G6PD: variants seen among roughly 807,000 people sequenced by gnomAD.
G6PD encodes the protein glucose-6-phosphate 1-dehydrogenase.
In G6PD, 2 loss-of-function variants were observed where a neutral mutation model predicts 38.2. That is an observed-to-expected ratio of 0.05 (90% CI 0.02 to 0.16). G6PD has a LOEUF of 0.16. Ranked by LOEUF, G6PD falls within the 10% of genes least tolerant of loss-of-function variation. The probability of loss-of-function intolerance (pLI) is 1.00; values close to 1 mark genes in which losing one functional copy is unlikely to be tolerated. For missense variants in G6PD, 310 were observed against 471.6 expected, an observed-to-expected ratio of 0.66 and a Z score of 3.17; for synonymous variants, 188 against 196.0, an observed-to-expected ratio of 0.96 and a Z score of 0.34.
At chrX:154,546,660 G>A (rs1557233416) in intron 1 of G6PD, 129 bp downstream of exon 1, 1 of 556,967 alleles carries the variant, frequency 1.8e-6, no homozygotes, top group Non-Finnish European at 2.8e-6. Context: ...GGGTATAAAG[G>A]GATTGGTTAA....
intron 2 of G6PD, among the ~76,000 whole-genome samples, chrX:154,539,719 A>C (rs2070455757): frequency 9.1e-6 from 1 of 110,090 alleles, no homozygotes. Context: ...GTTCTTCATG[A>C]CATGTATTTC....
In G6PD at chrX:154,536,039, C is replaced by T; in HGVS notation, c.165G>A (p.Leu55=). 2 of 1,211,199 alleles carry T rather than the reference C, an allele frequency of 1.7e-6. No homozygotes were observed. The highest frequency in any genetic ancestry group is 3.5e-5 in the South Asian group (2 of 56,998). The change falls in exon 4 of 13, where the codon CTG becomes CTA. Residue 55 remains leucine, a synonymous_variant. Coordinates refer to ENST00000393562, the MANE Select transcript of G6PD (RefSeq NM_001360016.2). ...KKKIYPTIWW[L]FRDGLLPENT... ...TTTCGGGCAGAAGGCCATCCCGGAACAGCCACCTGAGGGCAGGGCACAGCT... is the reference window on the plus strand; with the variant it reads ...TTTCGGGCAGAAGGCCATCCCGGAATAGCCACCTGAGGGCAGGGCACAGCT...
chrX:154,541,489 G>A (rs1449675898), intron 2 of G6PD: 1 of 112,016 alleles, frequency 8.9e-6, no homozygotes, highest in Non-Finnish European at 1.9e-5. Flanking sequence ...CTCTCCTCAG[G>A]ACTCAGGGGT....
intron 1 of G6PD, among the ~76,000 whole-genome samples, 189 bp from the exon 2 acceptor site, chrX:154,546,352 A>T (rs371755550): frequency 8.9e-6 from 1 of 111,883 alleles, no homozygotes; most frequent in East Asian, 2.8e-4. Flanking sequence ...GGCTCCAGCC[A>T]CTCTCTCCTA....
At chrX:154,541,618 G>A (rs1397056880) in intron 2 of G6PD, among the ~76,000 whole-genome samples, 2 of 111,682 alleles carry the variant, frequency 1.8e-5, no homozygotes, top group Non-Finnish European at 3.8e-5. Context: ...ATGTGGGTGG[G>A]GGCAATTCAA....
Position 154,546,837 on chromosome X carries a change from G to T in G6PD, c.-57C>A. Reference sequence around the variant, plus strand: ...CCGCGCTCGCAGCCCCGAAGTGTACGACCGTTTCCGGGGGCTGAGCCCCGC... The same window carrying T: ...CCGCGCTCGCAGCCCCGAAGTGTACTACCGTTTCCGGGGGCTGAGCCCCGC... On this transcript the variant is annotated 5_prime_UTR_variant, in exon 1 of 13. Coordinates refer to ENST00000393562, the MANE Select transcript of G6PD (RefSeq NM_001360016.2). 1.7e-6 allele frequency: 2 copies of T among 1,143,920 alleles called. No homozygotes were observed. The highest frequency in any genetic ancestry group is 3.9e-5 in the South Asian group (2 of 50,987). 94.3% of individuals were successfully genotyped at this position (1,143,920 alleles called of 1,213,427 possible). A position where few individuals can be genotyped will look rare whatever the true frequency, so the allele number is the denominator to read the frequency against.
intron 2 of G6PD, chrX:154,542,418 T>C (rs1316334995): frequency 5.0e-6 from 6 of 1,196,515 alleles, no homozygotes; most frequent in African/African-American, 1.8e-5. Context: ...AGGCGCACAC[T>C]AGTCTACAAG....
Position 154,546,814 on chromosome X carries a change from G to T in G6PD, c.-34C>A. 2 of 1,162,667 alleles carry T rather than the reference G, an allele frequency of 1.7e-6. No homozygotes were observed. Among genetic ancestry groups the T allele is most frequent in the Non-Finnish European group, 2.3e-6 (2 of 873,363 alleles). On this transcript the variant is annotated 5_prime_UTR_variant, in exon 1 of 13. Transcript: ENST00000393562. ...CTGCGCTTCGTCGTCGTCGCCCTCC[G>T]CGCTCGCAGCCCCGAAGTGTACGAC...
intron 6 of G6PD, 37 bp downstream of exon 6, chrX:154,534,300 AC>A (rs782807000): frequency 1.9e-5 from 23 of 1,205,242 alleles, no homozygotes; most frequent in Non-Finnish European, 2.5e-5. Flanking sequence ...CCTGAGTACC[AC>A]CCCCACCCTG....
intron 2 of G6PD, among the ~76,000 whole-genome samples, chrX:154,542,961 C>T (rs1246087133): frequency 8.9e-6 from 1 of 112,143 alleles, no homozygotes. Flanking sequence ...CAATCGCTGT[C>T]TGCTCAATGA....
rs782587403 is a variant in G6PD at position 154,533,045 on chromosome X, G to A, written c.948C>T (p.Gly316=). ...CGTCCAGGTACCCTTTGGTGGCCTC[G>A]CCCTCTCCATCGGGGTTCCCCACGT... ...GQYVGNPDGE[G]EATKGYLDDP... is the part of the protein sequence containing the mutation. Residue 316 remains glycine, a synonymous_variant, in exon 9 of 13, where the codon GGC becomes GGT. Transcript: ENST00000393562. The A allele has an allele frequency of 1.7e-6, 2 of 1,211,074 alleles. No homozygotes were observed. The highest frequency in any genetic ancestry group is 3.0e-5 in the East Asian group (1 of 33,781).
At position 154,538,255 on chromosome X, in the gene G6PD, A is replaced by G. The variant is rs781850444; in HGVS notation, c.121-2077T>C. On this transcript the variant is annotated intron_variant, in intron 2 of 12. Transcript: ENST00000393562. ...AGTGATCTGCCCGCCTCAGCCTCCC[A>G]AAGTGTTGGGATTACAGGCGTGAGC... Among the ~76,000 whole-genome samples the G allele has an allele frequency of 5.1e-4, 57 of 111,538 alleles. 2 individuals carry two copies. Among genetic ancestry groups the G allele is most frequent in the Admixed American group, 3.8e-4 (4 of 10,519 alleles).
At chrX:154,536,260 G>A (rs2070407762) in intron 2 of G6PD, 82 bp from the exon 3 acceptor site, 1 of 951,614 alleles carries the variant, frequency 1.1e-6, no homozygotes, top group South Asian at 2.0e-5. Context: ...TTGGTGATCT[G>A]GGCACTACTC....
Position 154,534,148 on chromosome X carries a change from C to T in G6PD, c.657G>A (p.Arg219=). The change falls in exon 7 of 13, where the codon AGG becomes AGA. Residue 219 remains arginine (R), a synonymous_variant. Coordinates refer to ENST00000393562, the MANE Select transcript of G6PD (RefSeq NM_001360016.2). ...QNLMVLRFAN[R]IFGPIWNRDN... is the part of the protein sequence containing the mutation. ...CCCGGTTCCAGATGGGGCCGAAGAT[C>T]CTGTTGGCAAATCTGCAGGGAGGGG... 8.3e-7 allele frequency: 1 copy of T among 1,212,083 alleles called. No individual in the cohort carries two copies. Among genetic ancestry groups the T allele is most frequent in the Admixed American group, 2.2e-5 (1 of 46,090 alleles).
At chrX:154,539,528 A>G (rs1419649052) in intron 2 of G6PD, among the ~76,000 whole-genome samples, 2 of 110,627 alleles carry the variant, frequency 1.8e-5, no homozygotes, top group East Asian at 5.7e-4. Flanking sequence ...GAAAACCAAC[A>G]ATGGAGCGGA....
chrX:154,533,680 A>T lies in G6PD; in HGVS notation c.771-11T>A. 8.3e-7 allele frequency: 1 copy of T among 1,211,697 alleles called. No homozygotes were observed. Among genetic ancestry groups the T allele is most frequent in the Non-Finnish European group, 1.1e-6 (1 of 895,301 alleles). On this transcript the variant is annotated splice_polypyrimidine_tract_variant and intron_variant, in intron 7 of 12. Transcript: ENST00000393562. The stretch of plus-strand genomic sequence containing the variant: ...TTCTGCATCACGTCCCTGGGGACGG[A>T]AGAGGCCAGAGCTCGCCTTAGCTCC...
chrX:154,535,042 G>T, intron 5 of G6PD, 126 bp downstream of exon 5: 1 of 692,139 alleles, frequency 1.4e-6, no homozygotes, highest in Non-Finnish European at 2.3e-6. Context: ...TTGTGGTCCC[G>T]CTGGGGATGG....
At chrX:154,542,387 G>A (rs2070537245) in intron 2 of G6PD, 1 of 1,205,718 alleles carries the variant, frequency 8.3e-7, no homozygotes, top group Non-Finnish European at 1.1e-6. Flanking sequence ...GGTCCCATCA[G>A]GTGGGGAAAG....
At chrX:154,542,829 T>C (rs782091279) in intron 2 of G6PD, among the ~76,000 whole-genome samples, 1 of 112,145 alleles carries the variant, frequency 8.9e-6, no homozygotes, top group Admixed American at 9.5e-5. Flanking sequence ...CATGTGTATC[T>C]TCTGAAACAC....
Sources: gnomAD v4.1 joint callset for allele counts (sites outside exome capture counted in the v4.1 genomes callset) on GRCh38, gnomAD v4.1.1 for gene constraint, MANE v1.5 for transcripts, NCBI Gene and HGNC (gene_info 2026-07-23, HGNC 2026-07-21) for gene names.